Variants in LINGO2 observed in about 807,000 individuals in gnomAD.
The protein encoded by LINGO2 is leucine-rich repeat and immunoglobulin-like domain-containing nogo receptor-interacting protein 2.
LINGO2 carries 14 observed loss-of-function variants against 30.6 expected under a neutral mutation model. That is an observed-to-expected ratio of 0.46 (90% confidence interval 0.30 to 0.72). The LOEUF is 0.72. Among genes scored for constraint, LINGO2 ranks in the 30% least tolerant of loss-of-function variants. The pLI is 0.07. For missense variants in LINGO2, 729 were observed against 751.7 expected, an observed-to-expected ratio of 0.97 and a Z score of 0.35; for synonymous variants, 317 against 288.5, an observed-to-expected ratio of 1.10 and a Z score of -1.00.
chr9:28,333,958 G>A (rs912317417), intron 3 of LINGO2, among the ~76,000 whole-genome samples: 5 of 152,324 alleles, frequency 3.3e-5, no homozygotes, highest in African/African-American at 1.2e-4. Flanking sequence ...AGGGAACCAT[G>A]ATACTGGGGC....
At chr9:28,227,146 A>G (rs888920585) in intron 4 of LINGO2, among the ~76,000 whole-genome samples, 1 of 152,128 alleles carries the variant, frequency 6.6e-6, no homozygotes, top group African/African-American at 2.4e-5. Context: ...ATTATATGAT[A>G]TATGCCTTCC....
intron 4 of LINGO2, among the ~76,000 whole-genome samples, chr9:28,246,435 A>T (rs867812902): frequency 2.0e-5 from 3 of 152,008 alleles, no homozygotes; most frequent in Admixed American, 6.6e-5. Context: ...TCAAAAAAAT[A>T]AAAAAGAAGA....
the LINGO2 span, among the ~76,000 whole-genome samples, chr9:28,830,957 C>T: frequency 6.6e-6 from 1 of 152,302 alleles, no homozygotes; most frequent in Admixed American, 6.5e-5. Flanking sequence ...GCCTAGCAGC[C>T]CTGGGCTAAC....
At chr9:28,215,136 G>C (rs1467807861) in intron 4 of LINGO2, among the ~76,000 whole-genome samples, 1 of 151,704 alleles carries the variant, frequency 6.6e-6, no homozygotes, top group African/African-American at 2.4e-5. Context: ...TCAGGGCCAG[G>C]ACGCTACCTG....
At chr9:28,775,358 C>T in the LINGO2 span, among the ~76,000 whole-genome samples, 3 of 152,184 alleles carry the variant, frequency 2.0e-5, no homozygotes, top group Admixed American at 6.5e-5. Context: ...AATCTCACTG[C>T]TATCTGAGCC....
At chr9:28,670,163 A>C (rs1475925434) in intron 1 of LINGO2, 37 bp downstream of exon 3, 3 of 152,124 alleles carry the variant, frequency 2.0e-5, no homozygotes, top group African/African-American at 7.2e-5. Context: ...ATTTCATTTC[A>C]TCCTGAAAAT....
chr9:27,963,518 CT>C (rs1464446963), intron 5 of LINGO2, among the ~76,000 whole-genome samples: 1 of 152,030 alleles, frequency 6.6e-6, no homozygotes, highest in Non-Finnish European at 1.5e-5. Flanking sequence ...GAAACAGCTG[CT>C]TTGATGGATA....
the LINGO2 span, among the ~76,000 whole-genome samples, chr9:28,943,283 C>T: frequency 1.3e-5 from 2 of 151,860 alleles, no homozygotes; most frequent in African/African-American, 2.4e-5. Flanking sequence ...ATCCATAAGA[C>T]ATCAAGACAT....
chr9:28,693,959 G>A, the LINGO2 span, among the ~76,000 whole-genome samples: 2 of 151,876 alleles, frequency 1.3e-5, no homozygotes, highest in African/African-American at 4.8e-5. Flanking sequence ...TTACCAACAA[G>A]TATTATACAC....
the LINGO2 span, among the ~76,000 whole-genome samples, chr9:28,829,436 G>A: frequency 6.6e-6 from 1 of 152,176 alleles, no homozygotes; most frequent in Non-Finnish European, 1.5e-5. Flanking sequence ...AGCTGCTAAA[G>A]ACCTAAGCCA....
chr9:28,838,441 G>A, the LINGO2 span, among the ~76,000 whole-genome samples: 37 of 151,886 alleles, frequency 2.4e-4, no homozygotes, highest in African/African-American at 2.7e-4. Flanking sequence ...AATATGTTAC[G>A]TATTGAATAG....
chr9:28,436,078 T>C (rs1035205019), intron 2 of LINGO2, among the ~76,000 whole-genome samples: 1 of 152,226 alleles, frequency 6.6e-6, no homozygotes, highest in Non-Finnish European at 1.5e-5. Flanking sequence ...CTTTCTGTTC[T>C]TAACATAATA....
At chr9:28,523,162 C>G (rs1820888333) in intron 1 of LINGO2, among the ~76,000 whole-genome samples, 1 of 151,168 alleles carries the variant, frequency 6.6e-6, no homozygotes, top group Admixed American at 6.6e-5. Flanking sequence ...GCTTTAATAT[C>G]CTAAAATAAA....
the LINGO2 span, among the ~76,000 whole-genome samples, chr9:29,204,266 A>C: frequency 6.6e-6 from 1 of 152,342 alleles, no homozygotes; most frequent in South Asian, 2.1e-4. Context: ...CTCACTAGGA[A>C]CCAGACACCT....
chr9:28,855,189 A>C, the LINGO2 span, among the ~76,000 whole-genome samples: 5 of 151,934 alleles, frequency 3.3e-5, no homozygotes, highest in East Asian at 7.7e-4. Context: ...TGATTGCCCT[A>C]GTGCAGACTA....
At chr9:28,573,125 G>T (rs1309591119) in intron 1 of LINGO2, among the ~76,000 whole-genome samples, 1 of 152,084 alleles carries the variant, frequency 6.6e-6, no homozygotes, top group Non-Finnish European at 1.5e-5. Flanking sequence ...TCTGTTTCAA[G>T]TGAAAGAACC....
At chr9:28,122,399 A>G (rs1368666492) in intron 4 of LINGO2, among the ~76,000 whole-genome samples, 3 of 152,232 alleles carry the variant, frequency 2.0e-5, no homozygotes, top group African/African-American at 4.8e-5. Flanking sequence ...GGGCTTCACT[A>G]CATTCCAAAT....
intron 5 of LINGO2, among the ~76,000 whole-genome samples, chr9:27,964,481 C>T (rs1820001694): frequency 6.6e-6 from 1 of 152,014 alleles, no homozygotes; most frequent in African/African-American, 2.4e-5. Flanking sequence ...GAGATTCTAT[C>T]TGTATAAAAA....
chr9:28,110,045 A>G (rs1468894612), intron 4 of LINGO2, among the ~76,000 whole-genome samples: 1 of 152,194 alleles, frequency 6.6e-6, no homozygotes, highest in Non-Finnish European at 1.5e-5. Flanking sequence ...ACCAAAACAG[A>G]TATCTAGGAC....
Sources: gnomAD v4.1 joint callset for allele counts (sites outside exome capture counted in the v4.1 genomes callset) on GRCh38, gnomAD v4.1.1 for gene constraint, MANE v1.5 for transcripts, NCBI Gene and HGNC (gene_info 2026-07-23, HGNC 2026-07-21) for gene names.